PLXDC2: variants seen among roughly 807,000 people sequenced by gnomAD.
PLXDC2 encodes the protein plexin domain containing 2, also known as plexin domain-containing protein 2.
PLXDC2 carries 40 observed loss-of-function variants against 68.9 expected under a neutral mutation model. That is an observed-to-expected ratio of 0.58 (90% CI 0.45 to 0.76). PLXDC2 has a LOEUF of 0.76. PLXDC2 is among the 30% of genes least tolerant of loss of function. The pLI is 0.00. For synonymous variants in PLXDC2, 243 were observed against 234.2 expected (o/e 1.04, Z -0.34); for missense variants, 644 against 661.9 (o/e 0.97, Z 0.30).
At chr10:20,105,936 T>C (rs765528591) in intron 4 of PLXDC2, among the ~76,000 whole-genome samples, 1 of 152,218 alleles carries the variant, frequency 6.6e-6, no homozygotes, top group East Asian at 1.9e-4. Flanking sequence ...TTGAAAAATA[T>C]GATTATTTAA....
At chr10:19,973,680 G>T (rs1265603319) in intron 1 of PLXDC2, among the ~76,000 whole-genome samples, 4 of 152,156 alleles carry the variant, frequency 2.6e-5, no homozygotes, top group African/African-American at 9.7e-5. Flanking sequence ...AATTTTCCCT[G>T]TGATGATGAA....
chr10:19,967,668 C>T (rs1274047641), intron 1 of PLXDC2, among the ~76,000 whole-genome samples: 2 of 152,158 alleles, frequency 1.3e-5, no homozygotes, highest in African/African-American at 4.8e-5. Context: ...AGCGATGTTA[C>T]AGCATACTGA....
At chr10:20,128,902 G>T (rs1833828322) in intron 4 of PLXDC2, among the ~76,000 whole-genome samples, 1 of 152,212 alleles carries the variant, frequency 6.6e-6, no homozygotes, top group East Asian at 1.9e-4. Context: ...CACTTAGGTT[G>T]ATCCTATATC....
intron 5 of PLXDC2, among the ~76,000 whole-genome samples, chr10:20,144,842 G>A (rs1481659782): frequency 6.6e-6 from 1 of 152,138 alleles, no homozygotes; most frequent in African/African-American, 2.4e-5. Context: ...TAATGACCAA[G>A]TTTTTATACT....
At chr10:19,932,722 G>A (rs186830285) in intron 1 of PLXDC2, among the ~76,000 whole-genome samples, 1 of 151,530 alleles carries the variant, frequency 6.6e-6, no homozygotes, top group African/African-American at 2.4e-5. Context: ...TTTAGTTGCA[G>A]AAGCTAAAGT....
intron 9 of PLXDC2, among the ~76,000 whole-genome samples, chr10:20,184,595 C>T (rs1009438418): frequency 4.6e-5 from 7 of 151,706 alleles, no homozygotes; most frequent in Non-Finnish European, 1.0e-4. Context: ...AAATAAACTG[C>T]ATTCATATCA....
At chr10:19,908,552 A>G (rs1833208841) in intron 1 of PLXDC2, among the ~76,000 whole-genome samples, 1 of 152,202 alleles carries the variant, frequency 6.6e-6, no homozygotes, top group Non-Finnish European at 1.5e-5. Context: ...CTTGGAGCCC[A>G]GGAGATGTTA....
chr10:20,045,044 G>A (rs1835773398), intron 2 of PLXDC2, among the ~76,000 whole-genome samples: 1 of 152,076 alleles, frequency 6.6e-6, no homozygotes, highest in African/African-American at 2.4e-5. Context: ...GAGCTTTTGG[G>A]GGCTGCATGA....
intron 4 of PLXDC2, among the ~76,000 whole-genome samples, chr10:20,105,004 T>C (rs1833472256): frequency 8.1e-6 from 1 of 123,142 alleles, no homozygotes; most frequent in African/African-American, 3.2e-5. Context: ...TGAGCCGAGA[T>C]CACACCACAG....
At chr10:20,130,661 A>G (rs893289040) in intron 4 of PLXDC2, among the ~76,000 whole-genome samples, 2 of 152,086 alleles carry the variant, frequency 1.3e-5, no homozygotes, top group Non-Finnish European at 2.9e-5. Context: ...TTTAAGTTAT[A>G]TTCCATCTAT....
At chr10:20,018,343 A>G (rs1835248269) in intron 2 of PLXDC2, among the ~76,000 whole-genome samples, 1 of 152,218 alleles carries the variant, frequency 6.6e-6, no homozygotes, top group Admixed American at 6.5e-5. Context: ...TCTTGGATAT[A>G]TATTCCAGAC....
rs1354284567 is a variant in PLXDC2, at chr10:19,841,615, T to C, written c.112+24424T>C. Among the ~76,000 whole-genome samples the C allele has an allele frequency of 2.6e-5, 4 of 151,300 alleles. No homozygotes were observed. The East Asian group carries it at 5.9e-4, about 22-fold the overall frequency. The stretch of plus-strand genomic sequence containing the variant: ...CCCCATCTATTTTGGTCACTAGCTG[T>C]GACCTTAGACAGATAGACTTCTGTG... On this transcript the variant is annotated intron_variant, in intron 1 of 13. Coordinates refer to ENST00000377252, the MANE Select transcript of PLXDC2 (RefSeq NM_032812.9).
chr10:20,238,235 C>G (rs1413343428), intron 12 of PLXDC2, among the ~76,000 whole-genome samples: 6 of 150,464 alleles, frequency 4.0e-5, no homozygotes, highest in Admixed American at 2.7e-4. Context: ...TTTCTACCTC[C>G]TTATTTCTTT....
At position 20,092,709 on chromosome 10, in the gene PLXDC2, A is replaced by C. The variant is rs978253835; in HGVS notation, c.541+24470A>C. Among the ~76,000 whole-genome samples, 4 of 152,094 alleles carry C rather than the reference A, an allele frequency of 2.6e-5. No individual in the cohort carries two copies. In the South Asian group the frequency reaches 8.3e-4, roughly 31 times the overall value. On this transcript the variant is annotated intron_variant, in intron 4 of 13. Transcript: ENST00000377252. Reference sequence around the variant, plus strand: ...AAAAAAGTCATTGGAGACAGGATCAAATTAAATATCTTGAGGGGAGATTGT... The same window carrying C: ...AAAAAAGTCATTGGAGACAGGATCACATTAAATATCTTGAGGGGAGATTGT...
chr10:20,022,935 T>C (rs1835336872), intron 2 of PLXDC2, among the ~76,000 whole-genome samples: 1 of 151,892 alleles, frequency 6.6e-6, no homozygotes, highest in Non-Finnish European at 1.5e-5. Flanking sequence ...ACCAATACCT[T>C]GGATTATTTA....
chr10:19,838,496 C>G (rs1299070966), intron 1 of PLXDC2, among the ~76,000 whole-genome samples: 6 of 152,138 alleles, frequency 3.9e-5, no homozygotes, highest in Non-Finnish European at 8.8e-5. Flanking sequence ...AGACAAGTCA[C>G]TTTGCTATAG....
chr10:20,133,499 C>T (rs1474821210), intron 4 of PLXDC2, among the ~76,000 whole-genome samples: 1 of 152,112 alleles, frequency 6.6e-6, no homozygotes, highest in African/African-American at 2.4e-5. Context: ...TGCTGGTTTA[C>T]TTTCAACACT....
intron 1 of PLXDC2, among the ~76,000 whole-genome samples, chr10:19,852,425 C>CAAAAAAAAA (rs61430454): frequency 1.6e-4 from 10 of 61,936 alleles, no homozygotes; most frequent in Non-Finnish European, 2.3e-4. Context: ...GACCCTGTCT[C>CAAAAAAAAA]AAAAAAAAAA....
At chr10:19,930,103 A>G (rs1833600926) in intron 1 of PLXDC2, among the ~76,000 whole-genome samples, 1 of 151,800 alleles carries the variant, frequency 6.6e-6, no homozygotes, top group African/African-American at 2.4e-5. Flanking sequence ...TTCTGTTTTC[A>G]GATAAATTTT....
Sources: gnomAD v4.1 joint callset for allele counts (sites outside exome capture counted in the v4.1 genomes callset) on GRCh38, gnomAD v4.1.1 for gene constraint, MANE v1.5 for transcripts, NCBI Gene and HGNC (gene_info 2026-07-23, HGNC 2026-07-21) for gene names.